Variants in RBFOX1 observed in about 807,000 individuals in gnomAD.
RBFOX1 encodes RNA binding protein fox-1 homolog 1.
Under a neutral mutation model 57.7 loss-of-function variants are expected in RBFOX1, and 8 were observed. The ratio of observed to expected loss-of-function variants is 0.14; its 90% CI spans 0.08 to 0.25. RBFOX1 has a LOEUF of 0.25. Among genes scored for constraint, RBFOX1 ranks in the 10% least tolerant of loss-of-function variants. The pLI is 1.00. For missense variants in RBFOX1, 611 were observed against 548.5 expected, an observed-to-expected ratio of 1.11 and a Z score of -1.14; for synonymous variants, 326 against 222.4, an observed-to-expected ratio of 1.47 and a Z score of -4.15.
chr16:5,443,244 G>T (rs1215340026), intron 1 of RBFOX1, among the ~76,000 whole-genome samples: 2 of 152,168 alleles, frequency 1.3e-5, no homozygotes, highest in Non-Finnish European at 2.9e-5. Flanking sequence ...CCAACCTAAT[G>T]CTTAGGGAGG....
At chr16:7,394,619 C>T (rs567094033) in intron 4 of RBFOX1, among the ~76,000 whole-genome samples, 9 of 152,254 alleles carry the variant, frequency 5.9e-5, no homozygotes, top group African/African-American at 2.2e-4. Flanking sequence ...CAACGGGTGC[C>T]ACTACAGTGT....
At chr16:5,255,354 C>CTCCATCCATCCATCCCTCCATCCA (rs2062563206) in intron 1 of RBFOX1, among the ~76,000 whole-genome samples, 9 of 86,256 alleles carry the variant, frequency 1.0e-4, no homozygotes, top group Admixed American at 2.6e-4. Context: ...CCATCCATCC[C>CTCCATCCATCCATCCCTCCATCCA]TCCATCCATC....
chr16:7,367,968 C>G (rs753829437), intron 4 of RBFOX1, among the ~76,000 whole-genome samples: 32 of 151,896 alleles, frequency 2.1e-4, no homozygotes, highest in Non-Finnish European at 3.7e-4. Flanking sequence ...AGTTTATAAT[C>G]TTTACTCTAA....
At position 5,956,676 on chromosome 16, in the gene RBFOX1, A is replaced by ATTTT. The variant is rs1416211761; in HGVS notation, c.351+89342_351+89343insTTTT. ...TATATATTTATATATATATATATATATATTTTTTTTGAGGCACAGTCTCAT... is the reference window on the plus strand; with the variant it reads ...TATATATTTATATATATATATATATATTTTTATTTTTTTTGAGGCACAGTCTCAT... On this transcript the variant is annotated intron_variant, in intron 4 of 19. Coordinates refer to the RBFOX1 transcript ENST00000641259. Among the ~76,000 whole-genome samples, 30 of 104,060 alleles carry ATTTT rather than the reference A, an allele frequency of 2.9e-4. 1 individual carries two copies. Among genetic ancestry groups the ATTTT allele is most frequent in the African/African-American group, 6.4e-4 (18 of 28,132 alleles). The allele number at this position is 104,060 out of a possible 152,430, so 68.3% of individuals were successfully genotyped here. A position where few individuals can be genotyped will look rare whatever the true frequency, so the allele number is the denominator to read the frequency against.
intron 1 of RBFOX1, among the ~76,000 whole-genome samples, chr16:5,319,615 C>T (rs574625237): frequency 6.6e-6 from 1 of 152,164 alleles, no homozygotes; most frequent in Admixed American, 6.5e-5. Context: ...GGGTTCCCAG[C>T]CTGGTGGGGA....
At chr16:5,855,306 T>C (rs2056997104) in intron 3 of RBFOX1, among the ~76,000 whole-genome samples, 1 of 152,174 alleles carries the variant, frequency 6.6e-6, no homozygotes, top group Non-Finnish European at 1.5e-5. Context: ...CGCAGACCAA[T>C]GTCAAGAAGG....
chr16:7,186,297 A>G (rs185298216), intron 4 of RBFOX1, among the ~76,000 whole-genome samples: 18,323 of 113,020 alleles, frequency 0.16, 1,921 homozygotes, highest in East Asian at 0.27. Context: ...TATAAATATA[A>G]ACATAAACAT....
intron 2 of RBFOX1, among the ~76,000 whole-genome samples, chr16:6,370,311 T>G (rs1404771969): frequency 8.1e-6 from 1 of 122,934 alleles, no homozygotes; most frequent in African/African-American, 3.2e-5. Context: ...TGAGCCGAGA[T>G]CATGCCACTG....
At chr16:6,811,887 C>G (rs760994206) in intron 3 of RBFOX1, among the ~76,000 whole-genome samples, 1 of 152,060 alleles carries the variant, frequency 6.6e-6, no homozygotes, top group Non-Finnish European at 1.5e-5. Flanking sequence ...GAAACTCCAT[C>G]TCAAAATATA....
At chr16:7,130,087 C>T (rs1600406889) in intron 4 of RBFOX1, among the ~76,000 whole-genome samples, 1 of 147,434 alleles carries the variant, frequency 6.8e-6, no homozygotes, top group South Asian at 2.1e-4. Flanking sequence ...GGCTGGGGTG[C>T]AATGGCGAGA....
chr16:6,505,574 C>T (rs983109156), intron 2 of RBFOX1, among the ~76,000 whole-genome samples: 1 of 152,072 alleles, frequency 6.6e-6, no homozygotes, highest in Non-Finnish European at 1.5e-5. Flanking sequence ...TTATGGGGTC[C>T]TGGCTTATGT....
At chr16:6,315,782 C>G (rs1276689633) in intron 1 of RBFOX1, among the ~76,000 whole-genome samples, 1 of 152,160 alleles carries the variant, frequency 6.6e-6, no homozygotes, top group Non-Finnish European at 1.5e-5. Context: ...CTCTGCAGGT[C>G]ACCCCTCTTT....
chr16:7,703,578 A>G (rs568546230), intron 14 of RBFOX1, among the ~76,000 whole-genome samples: 2 of 152,222 alleles, frequency 1.3e-5, no homozygotes, highest in Admixed American at 6.5e-5. Flanking sequence ...CTGTGGCCCT[A>G]TAAGAAAATT....
intron 3 of RBFOX1, among the ~76,000 whole-genome samples, chr16:5,723,642 G>T (rs1014056192): frequency 6.6e-6 from 1 of 151,948 alleles, no homozygotes; most frequent in African/African-American, 2.4e-5. Context: ...CTGATTTTGA[G>T]ACCTTTGGTC....
At chr16:5,784,520 A>G (rs1359065747) in intron 3 of RBFOX1, among the ~76,000 whole-genome samples, 1 of 152,042 alleles carries the variant, frequency 6.6e-6, no homozygotes, top group Non-Finnish European at 1.5e-5. Flanking sequence ...TTAAACAACC[A>G]TCTCTTGTAA....
At chr16:7,269,935 A>T (rs533972562) in intron 4 of RBFOX1, among the ~76,000 whole-genome samples, 1 of 152,224 alleles carries the variant, frequency 6.6e-6, no homozygotes, top group South Asian at 2.1e-4. Context: ...GTATTATTAC[A>T]TACTTTATTA....
intron 3 of RBFOX1, chr16:5,611,163 C>G (rs183064933): frequency 5.2e-5 from 8 of 152,456 alleles, no homozygotes; most frequent in Admixed American, 2.6e-4. Context: ...CCCAGTCTCC[C>G]TGCCTGCCTT....
intron 3 of RBFOX1, among the ~76,000 whole-genome samples, chr16:6,726,031 CAA>C (rs1360159614): frequency 6.6e-6 from 1 of 152,086 alleles, no homozygotes; most frequent in Non-Finnish European, 1.5e-5. Flanking sequence ...TCTGTCTCGG[CAA>C]AGAGAGAGGA....
chr16:7,022,966 G>C (rs1372773846), intron 3 of RBFOX1, among the ~76,000 whole-genome samples: 1 of 152,186 alleles, frequency 6.6e-6, no homozygotes, highest in African/African-American at 2.4e-5. Context: ...AGCCAGGAAG[G>C]AGGCAGAATG....
Sources: allele counts gnomAD v4.1 joint callset (sites outside exome capture counted in the v4.1 genomes callset), GRCh38; gene constraint gnomAD v4.1.1; transcripts MANE v1.5; gene names NCBI Gene and HGNC (gene_info 2026-07-23, HGNC 2026-07-21).